Variants in GET3 observed in about 807,000 individuals in gnomAD.
GET3 encodes the protein ATPase GET3.
Under a neutral mutation model 32.4 loss-of-function variants are expected in GET3, and 15 were observed. The ratio of observed to expected loss-of-function variants is 0.46; its 90% confidence interval spans 0.31 to 0.71. The LOEUF (loss-of-function observed/expected upper bound fraction) is 0.71, where lower values mean the gene tolerates loss of function less well. GET3 is among the 30% of genes least tolerant of loss of function. GET3 has a pLI of 0.05. For synonymous variants in GET3, 198 were observed against 185.6 expected, an observed-to-expected ratio of 1.07 and a Z score of -0.54; for missense variants, 333 against 459.0, an observed-to-expected ratio of 0.73 and a Z score of 2.51.
intron 2 of GET3, among the ~76,000 whole-genome samples, chr19:12,740,298 G>A (rs1221492155): frequency 6.6e-6 from 1 of 151,986 alleles, no homozygotes; most frequent in Non-Finnish European, 1.5e-5. Flanking sequence ...GGAGAGTGGC[G>A]TGAACCCCGG....
intron 2 of GET3, among the ~76,000 whole-genome samples, chr19:12,743,736 T>C (rs1483388085): frequency 9.2e-6 from 1 of 109,284 alleles, no homozygotes; most frequent in Non-Finnish European, 2.0e-5. Context: ...TTTTTTTTTT[T>C]TTTTTTTTTT....
rs756076356 is a variant in GET3, at chr19:12,737,601, C to T, written c.96C>T (p.Ile32=). 3 of 1,612,032 alleles carry T rather than the reference C, an allele frequency of 1.9e-6. No homozygotes were observed. The highest frequency in any genetic ancestry group is 8.5e-7 in the Non-Finnish European group (1 of 1,179,302). Residue 32 remains isoleucine, a synonymous_variant, in exon 1 of 7, where the codon ATC becomes ATT. Coordinates refer to ENST00000357332, the MANE Select transcript of GET3 (RefSeq NM_004317.4). ...EPLEPTLSNI[I]EQRSLKWIFV... The stretch of plus-strand genomic sequence containing the variant: ...TGGAGCCTACACTTAGCAACATCAT[C>T]GAGCAGCGCAGCCTGAAGTGGATCT...
chr19:12,747,101 G>T lies in GET3; in HGVS notation c.610-96G>T. 1.1e-6 allele frequency: 1 copy of T among 925,294 alleles called. No individual in the cohort carries two copies. Among genetic ancestry groups the T allele is most frequent in the Non-Finnish European group, 1.7e-6 (1 of 606,018 alleles). The allele number at this position is 925,294 out of a possible 1,614,324, so 57.3% of individuals were successfully genotyped here. A position where few individuals can be genotyped will look rare whatever the true frequency, so the allele number is the denominator to read the frequency against. On this transcript the variant is annotated intron_variant, in intron 4 of 6. Transcript: ENST00000357332. The surrounding 1 kb of genome is among the most constrained non-coding windows in gnomAD (Gnocchi z 4.0). ...TATGGGCCTGAGCCTTTAACCACTG[G>T]GAGGTATCAGGAGTCATCCCTCGGG...
chr19:12,740,776 GACCCAGA>G (rs1208700431), intron 2 of GET3, among the ~76,000 whole-genome samples: 3 of 152,222 alleles, frequency 2.0e-5, no homozygotes, highest in Non-Finnish European at 4.4e-5. Flanking sequence ...CCAGCATACA[GACCCAGA>G]ACTTGGGCGC....
chr19:12,737,954 G>A (rs1317700360), intron 1 of GET3, among the ~76,000 whole-genome samples: 1 of 152,164 alleles, frequency 6.6e-6, no homozygotes, highest in Non-Finnish European at 1.5e-5. Context: ...CCGTACCTGA[G>A]TGAATCCAGA....
chr19:12,738,721 C>T, intron 2 of GET3, 63 bp downstream of exon 2: 1 of 1,599,690 alleles, frequency 6.3e-7, no homozygotes, highest in South Asian at 1.1e-5. Flanking sequence ...TTCTTGTGCG[C>T]ACACACCAGC....
Position 12,747,577 on chromosome 19 carries a change from C to A in GET3, c.900C>A (p.Ala300=). Reference sequence around the variant, plus strand: ...GTGAGGCCCGTCACAAGATCCAGGCCAAGTATCTGGACCAGGTGTGCCCAC... The same window carrying A: ...GTGAGGCCCGTCACAAGATCCAGGCAAAGTATCTGGACCAGGTGTGCCCAC... ...KMCEARHKIQ[A]KYLDQMEDLY... is the part of the protein sequence containing the mutation. Residue 300 remains alanine, a synonymous_variant, in exon 6 of 7, where the codon GCC becomes GCA. Transcript: ENST00000357332. This position sits in a 1 kb window ranked among gnomAD's most constrained non-coding sequence, Gnocchi z 4.0. The A allele has an allele frequency of 6.2e-7, 1 of 1,613,474 alleles. No individual in the cohort carries two copies. Among genetic ancestry groups the A allele is most frequent in the Non-Finnish European group, 8.5e-7 (1 of 1,179,918 alleles).
chr19:12,737,266 C>A (rs1352540683), upstream of GET3: 10 of 504,358 alleles, frequency 2.0e-5, no homozygotes, highest in Non-Finnish European at 3.4e-5. Context: ...AAGGGAGTAG[C>A]CTAGACCGTA....
Position 12,747,740 on chromosome 19 carries a change from G to T in GET3, c.915+148G>T. Reference sequence around the variant, plus strand: ...ATCCTTCACCCTTATTCCGGCCATAGAGGACTGTGGCTGGCCTGGCCTAGG... The same window carrying T: ...ATCCTTCACCCTTATTCCGGCCATATAGGACTGTGGCTGGCCTGGCCTAGG... On this transcript the variant is annotated intron_variant, in intron 6 of 6. Coordinates refer to ENST00000357332, the MANE Select transcript of GET3 (RefSeq NM_004317.4). This position sits in a 1 kb window ranked among gnomAD's most constrained non-coding sequence, Gnocchi z 4.0. 8.2e-7 allele frequency: 1 copy of T among 1,219,098 alleles called. No homozygotes were observed. Among genetic ancestry groups the T allele is most frequent in the Non-Finnish European group, 1.1e-6 (1 of 880,676 alleles). 75.5% of individuals were successfully genotyped at this position (1,219,098 alleles called of 1,614,324 possible). A position where few individuals can be genotyped will look rare whatever the true frequency, so the allele number is the denominator to read the frequency against.
At chr19:12,737,131 G>C (rs1438688362), upstream of GET3, 1 of 169,690 alleles carries the variant, frequency 5.9e-6, no homozygotes, top group Admixed American at 6.4e-5. Flanking sequence ...AAAGGGCATG[G>C]ACTGGGTGTT....
chr19:12,745,544 G>C lies in GET3; in HGVS notation c.458+19G>C. ...TCATGAGGTCAGGCCCAGCCAGCAG[G>C]GGTGGGGGCTGCCTGGGGAAGGGGA... is the stretch of plus-strand genomic sequence containing the variant. On this transcript the variant is annotated intron_variant, in intron 3 of 6. Transcript: ENST00000357332. The surrounding 1 kb of genome is among the most constrained non-coding windows in gnomAD (Gnocchi z 5.0). The C allele has an allele frequency of 1.2e-6, 2 of 1,612,854 alleles. No homozygotes were observed. Among genetic ancestry groups the C allele is most frequent in the Non-Finnish European group, 1.7e-6 (2 of 1,179,988 alleles).
Position 12,747,022 on chromosome 19 carries a change from AAAAG to A in GET3, c.610-163_610-160del, listed in dbSNP as rs1478269330. 5.5e-4 allele frequency among the ~76,000 whole-genome samples: 83 copies of A among 151,300 alleles called. No homozygotes were observed. Among genetic ancestry groups the A allele is most frequent in the Admixed American group, 8.6e-4 (13 of 15,200 alleles). On this transcript the variant is annotated intron_variant, in intron 4 of 6. Transcript: ENST00000357332. This position sits in a 1 kb window ranked among gnomAD's most constrained non-coding sequence, Gnocchi z 4.0. ...GAGACTCCATTTCAAAAAAAAAAAA[AAAAG>A]AAAGAAAGAAATGGAAAAGCTAGTA...
Position 12,745,808 on chromosome 19 carries a change from G to A in GET3, c.609+49G>A. 1 of 1,552,400 alleles carries A rather than the reference G, an allele frequency of 6.4e-7. No individual in the cohort carries two copies. The highest frequency in any genetic ancestry group is 2.3e-5 in the East Asian group (1 of 44,412). On this transcript the variant is annotated intron_variant, in intron 4 of 6. Coordinates refer to ENST00000357332, the MANE Select transcript of GET3 (RefSeq NM_004317.4). The surrounding 1 kb of genome is among the most constrained non-coding windows in gnomAD (Gnocchi z 5.0). ...GCACCATCCAGGCAGCCGGGAGTGG[G>A]AGTAGGCCCGGGCCCCCAGACCCTC... is the stretch of plus-strand genomic sequence containing the variant.
rs1967638639 is a variant in GET3 at position 12,740,099 on chromosome 19, T to G, written c.309+1441T>G. On this transcript the variant is annotated intron_variant, in intron 2 of 6. Coordinates refer to ENST00000357332, the MANE Select transcript of GET3 (RefSeq NM_004317.4). Reference sequence around the variant, plus strand: ...TCTCACGTCTCAAAAAAAAAAAAAATTGGCTGGGCGCAGTGGCTCACTCCT... The same window carrying G: ...TCTCACGTCTCAAAAAAAAAAAAAAGTGGCTGGGCGCAGTGGCTCACTCCT... Among the ~76,000 whole-genome samples, 3 of 149,852 alleles carry G rather than the reference T, an allele frequency of 2.0e-5. No individual in the cohort carries two copies. The South Asian group carries it at 6.3e-4, about 32-fold the overall frequency.
chr19:12,740,533 C>T (rs1167185722), intron 2 of GET3, among the ~76,000 whole-genome samples: 1 of 147,254 alleles, frequency 6.8e-6, no homozygotes, highest in Non-Finnish European at 1.5e-5. Flanking sequence ...AAAAATTAGC[C>T]AGGTATGGTG....
At chr19:12,737,829 A>G (rs1041673480) in intron 1 of GET3, among the ~76,000 whole-genome samples, 163 bp downstream of exon 1, 5 of 152,140 alleles carry the variant, frequency 3.3e-5, no homozygotes, top group South Asian at 2.1e-4. Context: ...AAAGACCTCA[A>G]TGCAGCCCTA....
At chr19:12,744,658 C>T (rs1178655041) in intron 2 of GET3, among the ~76,000 whole-genome samples, 1 of 152,170 alleles carries the variant, frequency 6.6e-6, no homozygotes, top group Non-Finnish European at 1.5e-5. Context: ...GTGCCAGGCA[C>T]TGTTCATGCT....
intron 2 of GET3, among the ~76,000 whole-genome samples, chr19:12,741,230 G>A (rs1967661506): frequency 6.6e-6 from 1 of 152,036 alleles, no homozygotes; most frequent in South Asian, 2.1e-4. Flanking sequence ...GCCGAGGTGG[G>A]CGGATCACAA....
At position 12,747,661 on chromosome 19, in the gene GET3, C is replaced by T; in HGVS notation, c.915+69C>T. The stretch of plus-strand genomic sequence containing the variant: ...CCCCTTTATTCTCTGATCTTTTGCT[C>T]CACCATCTGGCCCTCTGCCCTCTAG... On this transcript the variant is annotated intron_variant, in intron 6 of 6. Transcript: ENST00000357332. The surrounding 1 kb of genome is among the most constrained non-coding windows in gnomAD (Gnocchi z 4.0). 1 of 1,536,444 alleles carries T rather than the reference C, an allele frequency of 6.5e-7. No homozygotes were observed. The highest frequency in any genetic ancestry group is 8.8e-7 in the Non-Finnish European group (1 of 1,135,520).
Sources: allele counts gnomAD v4.1 joint callset (sites outside exome capture counted in the v4.1 genomes callset), GRCh38; gene constraint gnomAD v4.1.1; non-coding constraint Gnocchi (gnomAD v3.1); transcripts MANE v1.5; gene names NCBI Gene and HGNC (gene_info 2026-07-23, HGNC 2026-07-21).